The following ZNF608 variants were observed in gnomAD, a reference collection of about 807,000 sequenced individuals.
ZNF608 encodes the protein zinc finger protein 608, also known as renal carcinoma antigen NY-REN-36.
Under a neutral mutation model 109.0 loss-of-function variants are expected in ZNF608, and 12 were observed. The ratio of observed to expected loss-of-function variants is 0.11; its 90% CI spans 0.07 to 0.18. The LOEUF (loss-of-function observed/expected upper bound fraction) is 0.18, where lower values mean the gene tolerates loss of function less well. Among genes scored for constraint, ZNF608 ranks in the 10% least tolerant of loss-of-function variants. The pLI, the probability that ZNF608 is intolerant of heterozygous loss-of-function variation, is 1.00. For synonymous variants in ZNF608, 732 were observed against 717.4 expected (o/e 1.02, Z -0.33); for missense variants, 1,707 against 1,879.3 (o/e 0.91, Z 1.70).
chr5:124,655,650 C>T (rs1422408871), intron 3 of ZNF608, among the ~76,000 whole-genome samples: 1 of 152,146 alleles, frequency 6.6e-6, no homozygotes, highest in Non-Finnish European at 1.5e-5. Flanking sequence ...GGATAAAATT[C>T]ATATATTTCA....
At chr5:124,664,698 T>C (rs1401174199) in intron 3 of ZNF608, among the ~76,000 whole-genome samples, 2 of 152,306 alleles carry the variant, frequency 1.3e-5, no homozygotes, top group East Asian at 3.9e-4. Flanking sequence ...GCACAGGCAG[T>C]CTGACTTCTG....
At chr5:124,729,645 ATATC>A (rs1378995479) in intron 2 of ZNF608, among the ~76,000 whole-genome samples, 5 of 152,226 alleles carry the variant, frequency 3.3e-5, no homozygotes, top group Admixed American at 6.5e-5. Flanking sequence ...TTAAGTATAT[ATATC>A]TATGTGTGTT....
At chr5:124,644,800 C>CA in intron 5 of ZNF608, 139 bp from the exon 6 acceptor site, 1 of 762,242 alleles carries the variant, frequency 1.3e-6, no homozygotes. Context: ...CTGTGCTAGA[C>CA]ACTGTGCTAA....
chr5:124,691,835 A>T (rs1425505682), intron 3 of ZNF608, among the ~76,000 whole-genome samples: 1 of 152,212 alleles, frequency 6.6e-6, no homozygotes, highest in Admixed American at 6.5e-5. Context: ...ATTGCTGCTC[A>T]ATAGGTATAA....
In ZNF608 at chr5:124,744,936, A is replaced by G; in HGVS notation, c.54T>C (p.Asp18=). The G allele has an allele frequency of 6.2e-7, 1 of 1,614,172 alleles. No individual in the cohort carries two copies. The highest frequency in any genetic ancestry group is 8.5e-7 in the Non-Finnish European group (1 of 1,180,008). ...AGKGVDPNTV[D]TYDSGDDWEI... ...CCCAATCATCGCCACTGTCATAAGT[A>G]TCAACTGTATTTGGATCCACACCTT... Residue 18 remains aspartate, a synonymous_variant, in exon 2 of 10, where the codon GAT becomes GAC. Coordinates refer to ENST00000513986, the MANE Select transcript of ZNF608 (RefSeq NM_020747.3). The surrounding 1 kb of genome is among the most constrained non-coding windows in gnomAD (Gnocchi z 4.5).
chr5:124,723,298 G>A (rs1323936292), intron 2 of ZNF608, among the ~76,000 whole-genome samples: 2 of 152,160 alleles, frequency 1.3e-5, no homozygotes, highest in Non-Finnish European at 2.9e-5. Flanking sequence ...CGTGAGCCGC[G>A]CCCTGCCTTA....
chr5:124,739,536 C>A (rs759366341), intron 2 of ZNF608, among the ~76,000 whole-genome samples: 3 of 152,194 alleles, frequency 2.0e-5, no homozygotes, highest in Non-Finnish European at 4.4e-5. Context: ...ATAGTCAGAT[C>A]TTTGGAAAAG....
intron 2 of ZNF608, among the ~76,000 whole-genome samples, chr5:124,730,579 G>A (rs572210721): frequency 1.1e-4 from 16 of 152,332 alleles, no homozygotes; most frequent in African/African-American, 3.6e-4. Flanking sequence ...GTGTTTCAAA[G>A]GAGACTTTAA....
intron 3 of ZNF608, among the ~76,000 whole-genome samples, chr5:124,674,314 T>A (rs1751848212): frequency 6.6e-6 from 1 of 152,196 alleles, no homozygotes; most frequent in South Asian, 2.1e-4. Flanking sequence ...AACTGGGTGG[T>A]CTTTTAAGCT....
chr5:124,690,954 C>CACACACACACACACA (rs10666145), intron 3 of ZNF608, among the ~76,000 whole-genome samples: 1 of 150,724 alleles, frequency 6.6e-6, no homozygotes, highest in African/African-American at 2.5e-5. Context: ...CACACACACA[C>CACACACACACACACA]ATAATGGAAA....
At chr5:124,641,538 T>A in intron 7 of ZNF608, 133 bp from the exon 8 acceptor site, 1 of 1,036,072 alleles carries the variant, frequency 9.7e-7, no homozygotes, top group Non-Finnish European at 1.3e-6. Flanking sequence ...AATTCTTTAG[T>A]AACTAAAGAG....
At chr5:124,711,548 T>C (rs535253518) in intron 2 of ZNF608, among the ~76,000 whole-genome samples, 1 of 152,346 alleles carries the variant, frequency 6.6e-6, no homozygotes, top group African/African-American at 2.4e-5. Flanking sequence ...GGACCTAGTT[T>C]GTGTGACAGG....
chr5:124,743,372 C>T (rs188997215), intron 2 of ZNF608, among the ~76,000 whole-genome samples: 79 of 152,276 alleles, frequency 5.2e-4, no homozygotes, highest in Non-Finnish European at 4.0e-4. Context: ...ACTCTTAAAT[C>T]TCTAGCTAAG....
At chr5:124,682,790 A>AGTCATGTAG (rs1388253771) in intron 3 of ZNF608, among the ~76,000 whole-genome samples, 1 of 152,262 alleles carries the variant, frequency 6.6e-6, no homozygotes, top group Non-Finnish European at 1.5e-5. Context: ...TGCTGTAGTC[A>AGTCATGTAG]TAATGTAAAA....
intron 2 of ZNF608, among the ~76,000 whole-genome samples, chr5:124,743,105 G>A (rs1749484754): frequency 2.6e-5 from 4 of 152,180 alleles, no homozygotes; most frequent in Admixed American, 2.6e-4. Context: ...AAAACATGGT[G>A]TGGGTGTCGG....
At chr5:124,694,119 G>A (rs1276519761) in intron 3 of ZNF608, among the ~76,000 whole-genome samples, 4 of 145,620 alleles carry the variant, frequency 2.7e-5, no homozygotes, top group Non-Finnish European at 3.0e-5. Flanking sequence ...GGGACTACAG[G>A]CGCCCGCCAC....
chr5:124,669,855 G>C (rs568398239), intron 3 of ZNF608, among the ~76,000 whole-genome samples: 1 of 152,320 alleles, frequency 6.6e-6, no homozygotes, highest in East Asian at 1.9e-4. Context: ...TAGGCTAACA[G>C]ACTTTAAAGA....
In ZNF608 at chr5:124,702,567, T is replaced by C. The variant is rs535718681; in HGVS notation, c.907-1298A>G. 4.2e-4 allele frequency among the ~76,000 whole-genome samples: 64 copies of C among 151,912 alleles called. 1 individual carries two copies. Among genetic ancestry groups the C allele is most frequent in the African/African-American group, 1.4e-3 (57 of 41,420 alleles). On this transcript the variant is annotated intron_variant, in intron 2 of 9. Coordinates refer to ENST00000513986, the MANE Select transcript of ZNF608 (RefSeq NM_020747.3). Reference sequence around the variant, plus strand: ...TCAAGAGTCATATGAGGAAGTGTGCTCCTAGTTAAACAGCTGAAGCAGTCA... The same window carrying C: ...TCAAGAGTCATATGAGGAAGTGTGCCCCTAGTTAAACAGCTGAAGCAGTCA...
intron 3 of ZNF608, among the ~76,000 whole-genome samples, chr5:124,686,058 A>G (rs1443093220): frequency 2.0e-5 from 3 of 152,226 alleles, no homozygotes; most frequent in African/African-American, 7.2e-5. Flanking sequence ...AAGACTTTTA[A>G]TTCAAATGCC....
Sources: allele counts gnomAD v4.1 joint callset (sites outside exome capture counted in the v4.1 genomes callset), GRCh38; gene constraint gnomAD v4.1.1; non-coding constraint Gnocchi (gnomAD v3.1); transcripts MANE v1.5; gene names NCBI Gene and HGNC (gene_info 2026-07-23, HGNC 2026-07-21).